SDK2: variants seen among roughly 807,000 people sequenced by gnomAD.
The protein encoded by SDK2 is sidekick cell adhesion molecule 2, also known as protein sidekick-2.
SDK2 carries 105 observed loss-of-function variants against 253.9 expected under a neutral mutation model. That is an observed-to-expected ratio of 0.41 (90% CI 0.35 to 0.49). The LOEUF is 0.49. SDK2 is among the 20% of genes least tolerant of loss of function. The probability of loss-of-function intolerance (pLI) is 0.06; values close to 1 mark genes in which losing one functional copy is unlikely to be tolerated. For missense variants in SDK2, 2,608 were observed against 3,003.0 expected (o/e 0.87, Z 3.07); for synonymous variants, 1,249 against 1,234.9 (o/e 1.01, Z -0.24).
chr17:73,363,209 G>A (rs377484922), intron 38 of SDK2, among the ~76,000 whole-genome samples: 76 of 152,236 alleles, frequency 5.0e-4, no homozygotes, highest in African/African-American at 1.6e-3. Context: ...TCAGCCTCCC[G>A]AGTAGGCGTC....
At chr17:73,637,267 T>G (rs2046343951) in intron 1 of SDK2, among the ~76,000 whole-genome samples, 2 of 152,172 alleles carry the variant, frequency 1.3e-5, no homozygotes, top group South Asian at 4.1e-4. Flanking sequence ...GAGATCCTGT[T>G]GTCTTTTTCC....
intron 1 of SDK2, among the ~76,000 whole-genome samples, chr17:73,527,198 A>G (rs997257332): frequency 2.0e-5 from 3 of 152,206 alleles, no homozygotes; most frequent in Non-Finnish European, 2.9e-5. Flanking sequence ...TCACGGATCA[A>G]TCCAATGGCA....
In SDK2 at chr17:73,423,441, C is replaced by T. The variant is rs1369925576; in HGVS notation, c.1842G>A (p.Lys614=). 1.9e-6 allele frequency: 3 copies of T among 1,582,934 alleles called. No individual in the cohort carries two copies. The South Asian group carries it at 3.5e-5, about 18-fold the overall frequency. The stretch of plus-strand genomic sequence containing the variant: ...TCAGGGGGCTGTTGCCATCAAAGGG[C>T]TTGGTCCACGTCAGGTTGATGGCTC... ...ERRAINLTWT[K]PFDGNSPLIR... The change falls in exon 14 of 45, where the codon AAG becomes AAA. Residue 614 remains lysine (K), a synonymous_variant. Transcript: ENST00000392650.
At chr17:73,462,072 T>C (rs533495788) in intron 3 of SDK2, among the ~76,000 whole-genome samples, 1 of 152,168 alleles carries the variant, frequency 6.6e-6, no homozygotes, top group Non-Finnish European at 1.5e-5. Flanking sequence ...CATATTTACA[T>C]GCACGTGTGC....
intron 1 of SDK2, among the ~76,000 whole-genome samples, chr17:73,595,569 C>T (rs980364142): frequency 2.6e-5 from 4 of 152,154 alleles, no homozygotes; most frequent in Non-Finnish European, 5.9e-5. Context: ...GTGGCACAGG[C>T]TCCCTCCTAG....
chr17:73,426,942 A>G (rs7211256), intron 12 of SDK2, among the ~76,000 whole-genome samples: 151,658 of 152,164 alleles, frequency 1, 75,581 homozygotes, highest in Non-Finnish European at 1. Flanking sequence ...AAAATTAGCC[A>G]GGCGTGGTGG....
chr17:73,556,200 C>T (rs1005133437), intron 1 of SDK2, among the ~76,000 whole-genome samples: 1 of 152,184 alleles, frequency 6.6e-6, no homozygotes, highest in Non-Finnish European at 1.5e-5. Context: ...GGCAGATCAC[C>T]AAGATGGGAA....
At chr17:73,492,949 G>T in intron 2 of SDK2, among the ~76,000 whole-genome samples, 1 of 152,198 alleles carries the variant, frequency 6.6e-6, no homozygotes, top group African/African-American at 2.4e-5. Context: ...ATTAGTTTCT[G>T]TGTCCTGGCT....
chr17:73,610,271 G>T (rs796825641), intron 1 of SDK2, among the ~76,000 whole-genome samples: 2 of 152,326 alleles, frequency 1.3e-5, no homozygotes, highest in South Asian at 4.1e-4. Flanking sequence ...GCTCTTCGAA[G>T]GGGACTATAT....
chr17:73,410,377 G>A (rs1054691755), intron 18 of SDK2, among the ~76,000 whole-genome samples: 2 of 152,150 alleles, frequency 1.3e-5, no homozygotes, highest in Admixed American at 1.3e-4. Context: ...GAAGTGGCGT[G>A]ATCTCAGCTC....
chr17:73,500,969 G>A (rs2063886630), intron 2 of SDK2, among the ~76,000 whole-genome samples: 1 of 152,178 alleles, frequency 6.6e-6, no homozygotes, highest in South Asian at 2.1e-4. Context: ...CAGGGGGGTT[G>A]TCTCCAGCCA....
chr17:73,469,983 C>CGCGCGT (rs2063632990), intron 3 of SDK2, among the ~76,000 whole-genome samples: 1 of 94,638 alleles, frequency 1.1e-5, no homozygotes, highest in Non-Finnish European at 2.3e-5. Flanking sequence ...TTTGCGACTG[C>CGCGCGT]GCGCGCGCGC....
chr17:73,419,233 T>C lies in SDK2; in HGVS notation c.2119A>G (p.Ile707Val). Residue 707 changes from isoleucine (I) to valine (V), a missense_variant, in exon 16 of 45, where the codon ATC (isoleucine) becomes GTC (valine). Transcript: ENST00000392650. ...VIASGRTNQS[I>V]MIQWQPPPES... Reference sequence around the variant, plus strand: ...GGAGGCGGCTGCCACTGGATCATGATGGACTGGTTGGTTCGACCGCTGGCG... The same window carrying C: ...GGAGGCGGCTGCCACTGGATCATGACGGACTGGTTGGTTCGACCGCTGGCG... The C allele has an allele frequency of 1.2e-6, 2 of 1,612,966 alleles. No individual in the cohort carries two copies. Among genetic ancestry groups the C allele is most frequent in the Non-Finnish European group, 1.7e-6 (2 of 1,179,638 alleles).
intron 3 of SDK2, among the ~76,000 whole-genome samples, chr17:73,461,062 C>T (rs932826409): frequency 2.6e-5 from 4 of 152,266 alleles, no homozygotes; most frequent in Non-Finnish European, 5.9e-5. Context: ...TGCCATCCCT[C>T]CCTGCCTCCT....
At chr17:73,573,663 C>G (rs913341404) in intron 1 of SDK2, among the ~76,000 whole-genome samples, 7 of 152,250 alleles carry the variant, frequency 4.6e-5, no homozygotes, top group African/African-American at 1.7e-4. Context: ...AGCCTCCTCC[C>G]AGGCATGCCT....
intron 2 of SDK2, among the ~76,000 whole-genome samples, chr17:73,483,479 TTGTGTG>T (rs146198916): frequency 0.013 from 1,630 of 127,622 alleles, 30 homozygotes; most frequent in African/African-American, 0.035. Context: ...TGGCTAATCT[TTGTGTG>T]TGTGTGTGTG....
intron 38 of SDK2, among the ~76,000 whole-genome samples, chr17:73,364,253 T>C (rs1010973638): frequency 6.6e-6 from 1 of 152,184 alleles, no homozygotes; most frequent in Non-Finnish European, 1.5e-5. Context: ...AGGTACCAGA[T>C]GCCCATTGTC....
At chr17:73,488,160 C>T (rs1453732925) in intron 2 of SDK2, among the ~76,000 whole-genome samples, 15 of 152,244 alleles carry the variant, frequency 9.9e-5, no homozygotes, top group Middle Eastern at 6.8e-3. Context: ...GGACTACAGG[C>T]GCCTGCCACC....
At chr17:73,419,937 C>T (rs2063216043) in intron 15 of SDK2, among the ~76,000 whole-genome samples, 1 of 151,700 alleles carries the variant, frequency 6.6e-6, no homozygotes, top group African/African-American at 2.4e-5. Flanking sequence ...ATGTAAGTTT[C>T]AGTTTCCTAT....
Sources: gnomAD v4.1 joint callset for allele counts (sites outside exome capture counted in the v4.1 genomes callset) on GRCh38, gnomAD v4.1.1 for gene constraint, MANE v1.5 for transcripts, NCBI Gene and HGNC (gene_info 2026-07-23, HGNC 2026-07-21) for gene names.